The following DKK3 variants were observed in gnomAD, a reference collection of about 807,000 sequenced individuals.
The protein encoded by DKK3 is dickkopf Wnt signaling pathway inhibitor 3.
A neutral mutation model predicts 33.2 loss-of-function variants in DKK3; 22 were observed. The observed-to-expected ratio is 0.66, with a 90% CI of 0.47 to 0.95. The LOEUF (loss-of-function observed/expected upper bound fraction) is 0.95, where lower values mean the gene tolerates loss of function less well. Ranked by LOEUF, DKK3 falls within the 40% of genes least tolerant of loss-of-function variation. The pLI, the probability that DKK3 is intolerant of heterozygous loss-of-function variation, is 0.00. For missense variants in DKK3, 398 were observed against 458.4 expected (o/e 0.87, Z 1.20); for synonymous variants, 194 against 188.8 (o/e 1.03, Z -0.23).
intron 1 of DKK3, 37 bp from the exon 2 acceptor site, chr11:12,002,474 T>C: frequency 6.3e-7 from 1 of 1,595,704 alleles, no homozygotes; most frequent in East Asian, 2.2e-5. Context: ...AAAATTATTT[T>C]CTCTTGTTAC....
At chr11:11,982,769 G>A (rs1445176002) in intron 3 of DKK3, among the ~76,000 whole-genome samples, 1 of 152,214 alleles carries the variant, frequency 6.6e-6, no homozygotes, top group East Asian at 1.9e-4. Context: ...GGCCTCCTGG[G>A]GTGGCCAGAG....
At chr11:11,969,984 C>T (rs950874808) in intron 3 of DKK3, among the ~76,000 whole-genome samples, 3 of 152,222 alleles carry the variant, frequency 2.0e-5, no homozygotes, top group African/African-American at 4.8e-5. Context: ...AGAGCCCCAG[C>T]GGCCAGAGAA....
rs745871259 is a variant in DKK3 at position 11,964,478 on chromosome 11, C to T, written c.1039G>A (p.Gly347Arg). Residue 347 changes from glycine to arginine, a missense_variant, in exon 7 of 7, where the codon GGG becomes AGG. Coordinates refer to ENST00000683431, the MANE Select transcript of DKK3 (RefSeq NM_001018057.2). ...PAAAAAALLGGEEI is the reference protein window; with the variant it reads ...PAAAAAALLGREEI Reference sequence around the variant, plus strand: ...CTGGTCCAGATCTAAATCTCTTCCCCTCCCAGCAGTGCAGCGGCGGCAGCC... The same window carrying T: ...CTGGTCCAGATCTAAATCTCTTCCCTTCCCAGCAGTGCAGCGGCGGCAGCC... 2 of 1,612,276 alleles carry T rather than the reference C, an allele frequency of 1.2e-6. No homozygotes were observed. The highest frequency in any genetic ancestry group is 1.7e-6 in the Non-Finnish European group (2 of 1,180,020).
At position 11,970,477 on chromosome 11, in the gene DKK3, A is replaced by G. The variant is rs576815874; in HGVS notation, c.436-1990T>C. 3.9e-5 allele frequency among the ~76,000 whole-genome samples: 6 copies of G among 152,342 alleles called. No individual in the cohort carries two copies. The South Asian group carries it at 1.2e-3, about 32-fold the overall frequency. On this transcript the variant is annotated intron_variant, in intron 3 of 6. Coordinates refer to ENST00000683431, the MANE Select transcript of DKK3 (RefSeq NM_001018057.2). ...GAAATTAGAAAGGTTGAATGTCTCC[A>G]TGGTGGGTGGAATAACAGCACCCCC... is the stretch of plus-strand genomic sequence containing the variant.
intron 3 of DKK3, among the ~76,000 whole-genome samples, chr11:11,992,698 G>C (rs1331598631): frequency 6.6e-6 from 1 of 152,094 alleles, no homozygotes; most frequent in African/African-American, 2.4e-5. Flanking sequence ...CTCTACATTT[G>C]ATAAAATTTA....
chr11:11,972,406 A>T (rs1847742912), intron 3 of DKK3, among the ~76,000 whole-genome samples: 1 of 152,234 alleles, frequency 6.6e-6, no homozygotes, highest in African/African-American at 2.4e-5. Flanking sequence ...TCAAACATCT[A>T]GTCCTGACTT....
At chr11:11,969,157 C>A (rs1176973473) in intron 3 of DKK3, among the ~76,000 whole-genome samples, 1 of 152,192 alleles carries the variant, frequency 6.6e-6, no homozygotes, top group African/African-American at 2.4e-5. Flanking sequence ...AATCTGTCCA[C>A]CCCAAGGCCT....
chr11:12,009,101 C>A, upstream of DKK3: 1 of 985,884 alleles, frequency 1.0e-6, no homozygotes, highest in South Asian at 4.7e-5. Context: ...TCGAGCGCCC[C>A]GCCCCACATC....
chr11:11,984,655 T>TA (rs11297335), intron 3 of DKK3, among the ~76,000 whole-genome samples: 41,770 of 138,972 alleles, frequency 0.3, 6,323 homozygotes, highest in East Asian at 0.57. Flanking sequence ...CAATTTCCTT[T>TA]AAAAAAAAAA....
chr11:11,980,076 G>A (rs1166839250), intron 3 of DKK3, among the ~76,000 whole-genome samples: 3 of 152,156 alleles, frequency 2.0e-5, no homozygotes, highest in Non-Finnish European at 2.9e-5. Flanking sequence ...CCAGGCACCC[G>A]GGAACCCATG....
intron 3 of DKK3, among the ~76,000 whole-genome samples, chr11:11,976,881 A>G (rs1288123989): frequency 6.6e-6 from 1 of 152,052 alleles, no homozygotes; most frequent in Non-Finnish European, 1.5e-5. Flanking sequence ...TAAGATGCAC[A>G]TTTGTCTGGA....
rs774424466 is a variant in DKK3 at position 11,968,481 on chromosome 11, T to C, written c.442A>G (p.Ile148Val). The C allele has an allele frequency of 2.5e-6, 4 of 1,613,036 alleles. No homozygotes were observed. Among genetic ancestry groups the C allele is most frequent in the Non-Finnish European group, 3.4e-6 (4 of 1,179,478 alleles). The change falls in exon 4 of 7, where the codon ATC becomes GTC. Residue 148 changes from isoleucine to valine, a missense_variant. Physicochemically the swap from Ile to Val is conservative, Grantham distance 29. Transcript: ENST00000683431. ...CTGGGCCCACAGTCCTCGTCGATGA[T>C]GCACTCCTGGGGAAGGGCACAGGGA... ...DEEGRRSHEC[I>V]IDEDCGPSMY... is the part of the protein sequence containing the mutation.
At chr11:11,972,910 G>A (rs1236696628) in intron 3 of DKK3, among the ~76,000 whole-genome samples, 1 of 151,904 alleles carries the variant, frequency 6.6e-6, no homozygotes, top group Non-Finnish European at 1.5e-5. Flanking sequence ...CACCCAACTG[G>A]GCTCTGGATG....
chr11:12,008,725 C>T (rs1848598274), upstream of DKK3: 1 of 1,210,356 alleles, frequency 8.3e-7, no homozygotes, highest in African/African-American at 1.6e-5. The surrounding 1 kb of genome is among the most constrained non-coding windows in gnomAD (Gnocchi z 4.6). Flanking sequence ...CGCACCCGCC[C>T]GGAGACGGGA....
At chr11:11,976,776 G>A (rs1037425358) in intron 3 of DKK3, among the ~76,000 whole-genome samples, 1 of 152,242 alleles carries the variant, frequency 6.6e-6, no homozygotes, top group African/African-American at 2.4e-5. Flanking sequence ...GCAGCAGGAA[G>A]CTTCCCTTTT....
chr11:11,965,881 G>A lies in DKK3; in HGVS notation c.758C>T (p.Thr253Ile), dbSNP rs763298235. Residue 253 changes from threonine to isoleucine, a missense_variant, in exon 6 of 7, where the codon ACC becomes ATC. Coordinates refer to ENST00000683431, the MANE Select transcript of DKK3 (RefSeq NM_001018057.2). Reference protein sequence around the residue: ...DPASRLLDLITWELEPDGALD... With the variant: ...DPASRLLDLIIWELEPDGALD... ...GGCTCCATCAGGCTCTAGCTCCCAG[G>A]TGATGAGGTCCAGAAGCCGGCTGGC... The A allele has an allele frequency of 2.0e-5, 33 of 1,614,186 alleles. No homozygotes were observed. The highest frequency in any genetic ancestry group is 2.8e-5 in the Non-Finnish European group (33 of 1,180,054).
chr11:11,968,580 A>G, intron 3 of DKK3, 93 bp from the exon 4 acceptor site: 1 of 1,232,870 alleles, frequency 8.1e-7, no homozygotes, highest in South Asian at 1.4e-5. Context: ...TCCATTCCCC[A>G]TTCTTGACCC....
At chr11:11,999,743 T>C (rs1848384153) in intron 2 of DKK3, among the ~76,000 whole-genome samples, 1 of 152,248 alleles carries the variant, frequency 6.6e-6, no homozygotes, top group South Asian at 2.1e-4. Context: ...CCATCCAGTA[T>C]GTCACCTGGA....
intron 3 of DKK3, among the ~76,000 whole-genome samples, chr11:11,996,248 A>T (rs910209720): frequency 6.6e-6 from 1 of 152,216 alleles, no homozygotes; most frequent in African/African-American, 2.4e-5. Context: ...AGAATGAGAC[A>T]GTGGTGACAA....
Sources: gnomAD v4.1 joint callset for allele counts (sites outside exome capture counted in the v4.1 genomes callset) on GRCh38, gnomAD v4.1.1 for gene constraint, Gnocchi (gnomAD v3.1) non-coding constraint, MANE v1.5 for transcripts, NCBI Gene and HGNC (gene_info 2026-07-23, HGNC 2026-07-21) for gene names.